Variants in DGKI observed in about 807,000 individuals in gnomAD.
DGKI encodes diacylglycerol kinase iota.
In DGKI, 55 loss-of-function variants were observed where a neutral mutation model predicts 147.5. The ratio of observed to expected loss-of-function variants is 0.37; its 90% CI spans 0.30 to 0.47. The LOEUF (loss-of-function observed/expected upper bound fraction) is 0.47. Ranked by LOEUF, DGKI falls within the 20% of genes least tolerant of loss-of-function variation. DGKI has a pLI of 1.00. For missense variants in DGKI, 1,007 were observed against 1,323.8 expected (o/e 0.76, Z 3.71); for synonymous variants, 469 against 477.1 (o/e 0.98, Z 0.22).
Position 137,407,978 on chromosome 7 carries a change from T to C in DGKI, c.2817A>G (p.Lys939=). 6.3e-7 allele frequency: 1 copy of C among 1,587,926 alleles called. No homozygotes were observed. The highest frequency in any genetic ancestry group is 2.3e-5 in the East Asian group (1 of 43,856). Residue 939 remains lysine, a synonymous_variant, in exon 30 of 33, where the codon AAA becomes AAG. Coordinates refer to ENST00000614521, the MANE Select transcript of DGKI (RefSeq NM_001321708.2). ...GDLMKLIESY[K]NGGSLLIQGP... Reference sequence around the variant, plus strand: ...CCTGAATTAGCAGACTGCCTCCATTTTTATAGCTTTCTATTAGCTGCAAAG... The same window carrying C: ...CCTGAATTAGCAGACTGCCTCCATTCTTATAGCTTTCTATTAGCTGCAAAG...
Position 137,725,233 on chromosome 7 carries a change from G to A in DGKI, c.402-35231C>T, listed in dbSNP as rs114718995. On this transcript the variant is annotated intron_variant, in intron 1 of 32. Transcript: ENST00000614521. ...CTCCCTGCATTTTGAGTATCAAAATGTTGTCAACCTACGGGAGAAGTGATA... is the reference window on the plus strand; with the variant it reads ...CTCCCTGCATTTTGAGTATCAAAATATTGTCAACCTACGGGAGAAGTGATA... 7.3e-3 allele frequency among the ~76,000 whole-genome samples: 1,110 copies of A among 152,198 alleles called. 19 individuals carry two copies. Among genetic ancestry groups the A allele is most frequent in the African/African-American group, 0.026 (1,061 of 41,514 alleles).
intron 30 of DGKI, among the ~76,000 whole-genome samples, chr7:137,399,277 G>A (rs1411469997): frequency 6.6e-6 from 1 of 152,074 alleles, no homozygotes; most frequent in Non-Finnish European, 1.5e-5. Flanking sequence ...TTCTATATTT[G>A]TTGAATATAA....
At chr7:137,662,723 C>T (rs1298276574) in intron 3 of DGKI, among the ~76,000 whole-genome samples, 1 of 152,110 alleles carries the variant, frequency 6.6e-6, no homozygotes, top group Non-Finnish European at 1.5e-5. Flanking sequence ...TTAAAAGGTC[C>T]CAGCCCAGAC....
intron 1 of DGKI, among the ~76,000 whole-genome samples, chr7:137,732,460 T>G (rs1393653821): frequency 3.9e-5 from 6 of 152,046 alleles, no homozygotes; most frequent in African/African-American, 1.2e-4. Flanking sequence ...TATCACAGCC[T>G]TTCATGATGA....
chr7:137,845,674 G>T (rs1223566103), intron 1 of DGKI, among the ~76,000 whole-genome samples: 2 of 152,038 alleles, frequency 1.3e-5, no homozygotes, highest in Non-Finnish European at 2.9e-5. Flanking sequence ...TACAATGTGG[G>T]GTTATCTTTT....
chr7:137,558,841 G>A (rs1297690391), intron 19 of DGKI, among the ~76,000 whole-genome samples: 4 of 112,332 alleles, frequency 3.6e-5, no homozygotes, highest in Non-Finnish European at 5.0e-5. Flanking sequence ...GAGCCACTGC[G>A]CCCAGCCCAC....
At chr7:137,800,161 T>G (rs1196711805) in intron 1 of DGKI, among the ~76,000 whole-genome samples, 2 of 152,142 alleles carry the variant, frequency 1.3e-5, no homozygotes, top group Non-Finnish European at 2.9e-5. Flanking sequence ...TTGAGATTGT[T>G]GCTCAACAGA....
At chr7:137,842,878 G>T (rs931200376) in intron 1 of DGKI, among the ~76,000 whole-genome samples, 1 of 152,078 alleles carries the variant, frequency 6.6e-6, no homozygotes, top group Non-Finnish European at 1.5e-5. Flanking sequence ...ATGACCTGCC[G>T]TGTATTACAG....
At chr7:137,438,466 A>T (rs1813368500) in intron 28 of DGKI, among the ~76,000 whole-genome samples, 1 of 152,148 alleles carries the variant, frequency 6.6e-6, no homozygotes, top group African/African-American at 2.4e-5. Context: ...GGGAACTCTT[A>T]TCCACTGAAG....
At chr7:137,577,331 G>A in intron 16 of DGKI, 47 bp from the exon 17 acceptor site, 2 of 1,314,986 alleles carry the variant, frequency 1.5e-6, no homozygotes, top group Non-Finnish European at 2.2e-6. Context: ...ATTACATGGT[G>A]ATACCAAATC....
chr7:137,567,915 A>G (rs1818646370), intron 19 of DGKI, among the ~76,000 whole-genome samples: 1 of 152,140 alleles, frequency 6.6e-6, no homozygotes, highest in South Asian at 2.1e-4. Context: ...AATGTCTAGG[A>G]TTTGCTCCAG....
At chr7:137,758,180 C>T (rs1473797310) in intron 1 of DGKI, among the ~76,000 whole-genome samples, 1 of 152,186 alleles carries the variant, frequency 6.6e-6, no homozygotes, top group African/African-American at 2.4e-5. Context: ...GGAGAAGTCT[C>T]AGCAATGATA....
At chr7:137,563,063 A>T (rs1818469891) in intron 19 of DGKI, among the ~76,000 whole-genome samples, 1 of 152,116 alleles carries the variant, frequency 6.6e-6, no homozygotes, top group African/African-American at 2.4e-5. Context: ...ATAATAAATC[A>T]AGCCTAAGAG....
intron 1 of DGKI, among the ~76,000 whole-genome samples, chr7:137,771,316 C>G (rs1796189184): frequency 6.6e-6 from 1 of 152,158 alleles, no homozygotes; most frequent in African/African-American, 2.4e-5. Context: ...GTCTCAAACT[C>G]CGGACCTCAG....
chr7:137,401,497 T>C (rs1811760190), intron 30 of DGKI, among the ~76,000 whole-genome samples: 1 of 152,000 alleles, frequency 6.6e-6, no homozygotes, highest in African/African-American at 2.4e-5. Flanking sequence ...CACTCTAGCC[T>C]GGGTGACAGA....
At chr7:137,627,436 G>A (rs1029472100) in intron 6 of DGKI, among the ~76,000 whole-genome samples, 7 of 152,094 alleles carry the variant, frequency 4.6e-5, no homozygotes, top group Non-Finnish European at 2.9e-5. Context: ...CTGATTAATT[G>A]AACAAAAAGT....
chr7:137,675,302 C>T (rs1447395886), intron 3 of DGKI, among the ~76,000 whole-genome samples: 2 of 139,332 alleles, frequency 1.4e-5, no homozygotes, highest in African/African-American at 3.3e-5. Flanking sequence ...GAAGCTCAGG[C>T]TGACAAAGTT....
intron 12 of DGKI, among the ~76,000 whole-genome samples, chr7:137,593,060 G>A (rs772325207): frequency 3.9e-5 from 6 of 152,190 alleles, no homozygotes; most frequent in Non-Finnish European, 8.8e-5. Flanking sequence ...GTCAGGGCAT[G>A]GGGATGTCTA....
intron 20 of DGKI, among the ~76,000 whole-genome samples, chr7:137,537,496 A>G (rs181397529): frequency 1.3e-5 from 2 of 152,296 alleles, no homozygotes; most frequent in Admixed American, 1.3e-4. Context: ...CAATTCAGAG[A>G]TAATCACCTA....
Sources: gnomAD v4.1 joint callset for allele counts (sites outside exome capture counted in the v4.1 genomes callset) on GRCh38, gnomAD v4.1.1 for gene constraint, MANE v1.5 for transcripts, NCBI Gene and HGNC (gene_info 2026-07-23, HGNC 2026-07-21) for gene names.